Variants in PDE4D observed in about 807,000 individuals in gnomAD.
The protein encoded by PDE4D is 3',5'-cyclic-AMP phosphodiesterase 4D.
In PDE4D, 24 loss-of-function variants were observed where a neutral mutation model predicts 87.4. The observed-to-expected ratio is 0.27, with a 90% CI of 0.20 to 0.39. The LOEUF (loss-of-function observed/expected upper bound fraction) is 0.39. Ranked by LOEUF, PDE4D falls within the 10% of genes least tolerant of loss-of-function variation. The pLI, the probability that PDE4D is intolerant of heterozygous loss-of-function variation, is 1.00. For synonymous variants in PDE4D, 384 were observed against 383.2 expected (o/e 1.00, Z -0.02); for missense variants, 714 against 1,041.0 (o/e 0.69, Z 4.32).
chr5:59,838,170 A>G (rs1358124272), intron 1 of PDE4D, among the ~76,000 whole-genome samples: 4 of 152,036 alleles, frequency 2.6e-5, no homozygotes, highest in African/African-American at 9.7e-5. Flanking sequence ...GAAGAAGGAG[A>G]GTAAAAAGAG....
chr5:59,684,279 T>G (rs1186436346), intron 1 of PDE4D, among the ~76,000 whole-genome samples: 1 of 152,192 alleles, frequency 6.6e-6, no homozygotes, highest in African/African-American at 2.4e-5. Flanking sequence ...CTGTCATATT[T>G]TAATGTATTC....
intron 3 of PDE4D, among the ~76,000 whole-genome samples, chr5:59,192,491 G>C (rs1744562084): frequency 6.6e-6 from 1 of 152,050 alleles, no homozygotes; most frequent in Non-Finnish European, 1.5e-5. Flanking sequence ...GTTTTAACTA[G>C]ATCTGACTGT....
chr5:59,792,170 G>A (rs1049722290), intron 1 of PDE4D, among the ~76,000 whole-genome samples: 6 of 152,054 alleles, frequency 3.9e-5, no homozygotes, highest in Non-Finnish European at 8.8e-5. Flanking sequence ...GAGGAAACGT[G>A]GCACAGAAAC....
chr5:59,944,397 G>C (rs1401412539), intron 3 of PDE4D, among the ~76,000 whole-genome samples: 5 of 151,608 alleles, frequency 3.3e-5, no homozygotes, highest in Admixed American at 3.3e-4. Context: ...TTTTGAGACG[G>C]AGTCTCGCTC....
intron 1 of PDE4D, among the ~76,000 whole-genome samples, chr5:60,225,853 T>C (rs1745034574): frequency 6.6e-6 from 1 of 152,158 alleles, no homozygotes; most frequent in African/African-American, 2.4e-5. Flanking sequence ...AGGCACAGAA[T>C]GATTAAGCAA....
At chr5:60,286,897 CA>C (rs780456781) in intron 1 of PDE4D, among the ~76,000 whole-genome samples, 1 of 152,008 alleles carries the variant, frequency 6.6e-6, no homozygotes, top group African/African-American at 2.4e-5. Flanking sequence ...ATATCTTAGC[CA>C]CAAAGGGATG....
chr5:59,126,094 G>A (rs1372921677), intron 5 of PDE4D, among the ~76,000 whole-genome samples: 3 of 20,992 alleles, frequency 1.4e-4, no homozygotes, highest in Admixed American at 6.8e-4. Flanking sequence ...AAGTACAATT[G>A]TAAAAAAAAA....
chr5:59,197,872 C>T (rs1745816880), intron 2 of PDE4D, among the ~76,000 whole-genome samples: 1 of 152,124 alleles, frequency 6.6e-6, no homozygotes, highest in South Asian at 2.1e-4. Flanking sequence ...CAACTTTACC[C>T]ACAGAAGCTT....
chr5:60,102,461 A>G (rs1776322135), intron 2 of PDE4D, among the ~76,000 whole-genome samples: 1 of 152,088 alleles, frequency 6.6e-6, no homozygotes, highest in Non-Finnish European at 1.5e-5. Context: ...GAATTCAGGT[A>G]GGTAGGAAAG....
intron 1 of PDE4D, chr5:59,703,657 A>T (rs369565592): frequency 1.9e-6 from 1 of 530,666 alleles, no homozygotes; most frequent in Non-Finnish European, 3.9e-6. Context: ...AGTTACAATT[A>T]GTTAGATTAG....
chr5:60,454,187 G>T (rs1561275052), intron 1 of PDE4D, among the ~76,000 whole-genome samples: 1 of 152,116 alleles, frequency 6.6e-6, no homozygotes, highest in Non-Finnish European at 1.5e-5. Flanking sequence ...TTCACACTTA[G>T]ATGTCATTTG....
chr5:59,674,429 T>C (rs1222122794), intron 1 of PDE4D, among the ~76,000 whole-genome samples: 1 of 152,164 alleles, frequency 6.6e-6, no homozygotes, highest in Admixed American at 6.5e-5. Context: ...CTCAGGATGT[T>C]TCTTCAATGA....
At chr5:58,990,563 G>T (rs1297499475) in intron 9 of PDE4D, among the ~76,000 whole-genome samples, 1 of 151,890 alleles carries the variant, frequency 6.6e-6, no homozygotes, top group Non-Finnish European at 1.5e-5. Context: ...CTTCAATTTG[G>T]CTATATCACA....
intron 1 of PDE4D, among the ~76,000 whole-genome samples, chr5:60,333,126 T>C (rs1325963767): frequency 1.3e-5 from 2 of 152,194 alleles, no homozygotes; most frequent in Admixed American, 6.5e-5. Flanking sequence ...CTAGATCCAC[T>C]TAACTCTTCT....
At chr5:59,371,965 G>T (rs997366067) in intron 1 of PDE4D, among the ~76,000 whole-genome samples, 2 of 152,186 alleles carry the variant, frequency 1.3e-5, no homozygotes, top group Non-Finnish European at 2.9e-5. Context: ...CCCTGGGACT[G>T]CCCAGCACAG....
chr5:59,402,029 C>T (rs1487891166), intron 1 of PDE4D, among the ~76,000 whole-genome samples: 2 of 152,132 alleles, frequency 1.3e-5, no homozygotes, highest in Non-Finnish European at 2.9e-5. Flanking sequence ...AAAGGGAATT[C>T]AAAATCTGCA....
At chr5:60,007,431 A>T (rs1402364836) in intron 2 of PDE4D, among the ~76,000 whole-genome samples, 3 of 152,016 alleles carry the variant, frequency 2.0e-5, no homozygotes, top group East Asian at 3.8e-4. Flanking sequence ...ATCAATATGG[A>T]CATAAGATAT....
chr5:59,067,674 C>T (rs1238146048), intron 5 of PDE4D, among the ~76,000 whole-genome samples: 3 of 152,104 alleles, frequency 2.0e-5, no homozygotes, highest in African/African-American at 7.2e-5. Flanking sequence ...CACCCAATTT[C>T]CTGCCTTATT....
Position 59,509,375 on chromosome 5 carries a change from G to C in PDE4D, c.456-293407C>G, listed in dbSNP as rs1809865960. Among the ~76,000 whole-genome samples the C allele has an allele frequency of 3.4e-5, 5 of 148,986 alleles. No homozygotes were observed. In the South Asian group the frequency reaches 8.4e-4, roughly 25 times the overall value. On this transcript the variant is annotated intron_variant, in intron 1 of 14. Transcript: ENST00000340635. ...ATTCCCTACTATTGGAGAGTCACTA[G>C]AGAAACTTCTAAAAGACATTTTTAA... is the stretch of plus-strand genomic sequence containing the variant.
Sources: gnomAD v4.1 joint callset for allele counts (sites outside exome capture counted in the v4.1 genomes callset) on GRCh38, gnomAD v4.1.1 for gene constraint, MANE v1.5 for transcripts, NCBI Gene and HGNC (gene_info 2026-07-23, HGNC 2026-07-21) for gene names.